GPC5: variants seen among roughly 807,000 people sequenced by gnomAD.
GPC5 encodes glypican-5.
In GPC5, 47 loss-of-function variants were observed where a neutral mutation model predicts 53.9. The observed-to-expected ratio is 0.87, with a 90% CI of 0.69 to 1.11. GPC5 has a LOEUF of 1.11. Ranked by LOEUF, GPC5 falls within the 50% of genes most tolerant of loss-of-function variation. The pLI, the probability that GPC5 is intolerant of heterozygous loss-of-function variation, is 0.00. For missense variants in GPC5, 748 were observed against 713.1 expected (o/e 1.05, Z -0.56); for synonymous variants, 286 against 263.3 (o/e 1.09, Z -0.84).
chr13:92,608,514 G>A (rs1884329981), intron 7 of GPC5, among the ~76,000 whole-genome samples: 2 of 152,040 alleles, frequency 1.3e-5, no homozygotes, highest in Admixed American at 6.6e-5. Flanking sequence ...TGTATACAGA[G>A]GATTTTTAAA....
chr13:92,602,652 G>A (rs1016612157), intron 7 of GPC5, among the ~76,000 whole-genome samples: 4 of 152,156 alleles, frequency 2.6e-5, no homozygotes, highest in African/African-American at 4.8e-5. Flanking sequence ...GAAAGACGGT[G>A]TGGGATTCTT....
At chr13:92,543,005 T>TTTG (rs2139004410) in intron 7 of GPC5, among the ~76,000 whole-genome samples, 1 of 152,168 alleles carries the variant, frequency 6.6e-6, no homozygotes, top group South Asian at 2.1e-4. Flanking sequence ...TTCCTAAATC[T>TTTG]AGATGCCCAT....
At chr13:92,238,503 A>G (rs2042586360) in intron 7 of GPC5, among the ~76,000 whole-genome samples, 1 of 152,096 alleles carries the variant, frequency 6.6e-6, no homozygotes, top group Non-Finnish European at 1.5e-5. Flanking sequence ...TCTCTTCATT[A>G]GAGAAATGTC....
chr13:91,655,177 C>A (rs574241518), intron 2 of GPC5, among the ~76,000 whole-genome samples: 1 of 152,164 alleles, frequency 6.6e-6, no homozygotes, highest in Admixed American at 6.6e-5. Flanking sequence ...TGTATTCATT[C>A]TTTCATTTTA....
chr13:92,857,876 T>C (rs1029861075), intron 7 of GPC5, among the ~76,000 whole-genome samples: 1 of 152,144 alleles, frequency 6.6e-6, no homozygotes, highest in Admixed American at 6.6e-5. Context: ...CTGACGGATA[T>C]GTAAATTAGT....
intron 5 of GPC5, among the ~76,000 whole-genome samples, chr13:91,833,913 G>T (rs563498162): frequency 2.0e-5 from 3 of 152,212 alleles, no homozygotes; most frequent in East Asian, 3.9e-4. Flanking sequence ...GCAAGAGAAA[G>T]AAATAAAGTG....
At chr13:92,503,994 G>A (rs1240259629) in intron 7 of GPC5, among the ~76,000 whole-genome samples, 1 of 151,776 alleles carries the variant, frequency 6.6e-6, no homozygotes, top group Admixed American at 6.6e-5. Flanking sequence ...AAAATTTAGG[G>A]AACTTAAAGA....
chr13:92,734,774 C>A (rs1186417672), intron 7 of GPC5, among the ~76,000 whole-genome samples: 1 of 151,868 alleles, frequency 6.6e-6, no homozygotes, highest in Admixed American at 6.6e-5. Context: ...AGTTTAGGTG[C>A]CTTTCTTCCT....
intron 2 of GPC5, among the ~76,000 whole-genome samples, chr13:91,607,729 C>T (rs567687353): frequency 7.9e-4 from 120 of 152,250 alleles, no homozygotes; most frequent in Non-Finnish European, 1.5e-3. Flanking sequence ...CCCTTCTAGA[C>T]AGTGGGAAGT....
chr13:92,384,403 C>T (rs922368217), intron 7 of GPC5, among the ~76,000 whole-genome samples: 3 of 151,918 alleles, frequency 2.0e-5, no homozygotes, highest in African/African-American at 7.3e-5. Context: ...CTATGTTGGA[C>T]AAAAATTCAC....
At chr13:92,284,774 C>T (rs1400203980) in intron 7 of GPC5, among the ~76,000 whole-genome samples, 1 of 152,140 alleles carries the variant, frequency 6.6e-6, no homozygotes, top group Non-Finnish European at 1.5e-5. Context: ...GACAAACTCA[C>T]AATCAATATC....
chr13:92,263,572 A>G (rs577068306), intron 7 of GPC5, among the ~76,000 whole-genome samples: 29 of 152,268 alleles, frequency 1.9e-4, no homozygotes, highest in Non-Finnish European at 4.3e-4. Context: ...GAAGTATAGT[A>G]TAATATATAG....
intron 7 of GPC5, among the ~76,000 whole-genome samples, chr13:92,760,537 A>G (rs1183927949): frequency 3.3e-5 from 5 of 150,684 alleles, no homozygotes; most frequent in Admixed American, 3.3e-4. Flanking sequence ...TTCATTTCTG[A>G]TTTTACATAT....
chr13:91,810,722 G>T (rs1384300347), intron 5 of GPC5, among the ~76,000 whole-genome samples: 1 of 151,758 alleles, frequency 6.6e-6, no homozygotes, highest in African/African-American at 2.4e-5. Flanking sequence ...GTTATAACAG[G>T]TTATACATAT....
intron 6 of GPC5, among the ~76,000 whole-genome samples, chr13:92,032,822 T>G (rs1279301895): frequency 6.6e-6 from 1 of 152,134 alleles, no homozygotes; most frequent in Non-Finnish European, 1.5e-5. Context: ...GATGCATGAT[T>G]TCTCCCCCAT....
Position 92,298,715 on chromosome 13 carries a change from G to C in GPC5, c.1561+153726G>C, listed in dbSNP as rs570769685. Among the ~76,000 whole-genome samples the C allele has an allele frequency of 4.6e-5, 7 of 152,194 alleles. No homozygotes were observed. In the South Asian group the frequency reaches 1.2e-3, roughly 27 times the overall value. Reference sequence around the variant, plus strand: ...TGCAGGAGCAATCTGCTTCCTTTAGGGGGTGTGTGGGTCGTCTCAGGTTTC... The same window carrying C: ...TGCAGGAGCAATCTGCTTCCTTTAGCGGGTGTGTGGGTCGTCTCAGGTTTC... On this transcript the variant is annotated intron_variant, in intron 7 of 7. Coordinates refer to ENST00000377067, the MANE Select transcript of GPC5 (RefSeq NM_004466.6).
At chr13:91,435,759 A>G (rs1594086637) in intron 1 of GPC5, among the ~76,000 whole-genome samples, 1 of 152,288 alleles carries the variant, frequency 6.6e-6, no homozygotes, top group South Asian at 2.1e-4. Context: ...TTCAGAAGGA[A>G]TGGTACCAGC....
chr13:92,357,563 T>G (rs4362255), intron 7 of GPC5, among the ~76,000 whole-genome samples: 45,311 of 151,336 alleles, frequency 0.3, 7,406 homozygotes, highest in South Asian at 0.41. Context: ...GTCCATTCTC[T>G]CATTGCTATA....
chr13:92,485,014 G>A (rs1879502705), intron 7 of GPC5, among the ~76,000 whole-genome samples: 1 of 152,104 alleles, frequency 6.6e-6, no homozygotes, highest in Admixed American at 6.5e-5. Flanking sequence ...AGGATTACAG[G>A]TTTGAGCCAC....
Sources: gnomAD v4.1 joint callset for allele counts (sites outside exome capture counted in the v4.1 genomes callset) on GRCh38, gnomAD v4.1.1 for gene constraint, MANE v1.5 for transcripts, NCBI Gene and HGNC (gene_info 2026-07-23, HGNC 2026-07-21) for gene names.